The following SLC17A7 variants were observed in gnomAD, a reference collection of about 807,000 sequenced individuals.
SLC17A7 encodes the protein solute carrier family 17 member 7.
Under a neutral mutation model 59.1 loss-of-function variants are expected in SLC17A7, and 15 were observed. That is an observed-to-expected ratio of 0.25 (90% confidence interval 0.17 to 0.39). The LOEUF is 0.39. Ranked by LOEUF, SLC17A7 falls within the 10% of genes least tolerant of loss-of-function variation. The pLI, the probability that SLC17A7 is intolerant of heterozygous loss-of-function variation, is 1.00. For missense variants in SLC17A7, 499 were observed against 765.1 expected (o/e 0.65, Z 4.10); for synonymous variants, 353 against 308.9 (o/e 1.14, Z -1.50).
At chr19:49,440,430 C>G (rs1404231138) in intron 1 of SLC17A7, among the ~76,000 whole-genome samples, 1 of 152,144 alleles carries the variant, frequency 6.6e-6, no homozygotes, top group Non-Finnish European at 1.5e-5. Context: ...GGGTGAGAGC[C>G]TGTGGGGAGG....
rs369545138 is a variant in SLC17A7, at chr19:49,431,440, T to C, written c.1159A>G (p.Met387Val). 6.2e-7 allele frequency: 1 copy of C among 1,613,658 alleles called. No homozygotes were observed. Among genetic ancestry groups the C allele is most frequent in the Non-Finnish European group, 8.5e-7 (1 of 1,179,874 alleles). Residue 387 changes from methionine (M) to valine (V), a missense_variant, in exon 10 of 12, where the codon ATG becomes GTG. By Grantham distance (21) the Met-to-Val change is conservative (BLOSUM62 1). Transcript: ENST00000221485. The surrounding 1 kb of genome is among the most constrained non-coding windows in gnomAD (Gnocchi z 4.6). Reference sequence around the variant, plus strand: ...ACCACCAACAGCAGCGTGGCTTCCATGCCGAAGCCTACGGGGGCGGGGGGG... The same window carrying C: ...ACCACCAACAGCAGCGTGGCTTCCACGCCGAAGCCTACGGGGGCGGGGGGG... ...RKLMNCGGFG[M>V]EATLLLVVGY...
Position 49,430,631 on chromosome 19 carries a change from A to G in SLC17A7, c.1571T>C (p.Met524Thr), listed in dbSNP as rs1288775200. Reference sequence around the variant, plus strand: ...CCCCGGGGGCTCAGCCTCATCCTCCATTTCGCTGTCGTCACTGCCAGCCAG... The same window carrying G: ...CCCCGGGGGCTCAGCCTCATCCTCCGTTTCGCTGTCGTCACTGCCAGCCAG... The part of the protein sequence containing the change: ...DQLAGSDDSE[M>T]EDEAEPPGAP... The change falls in exon 12 of 12, where the codon ATG becomes ACG. Residue 524 changes from methionine (M) to threonine (T), a missense_variant. Physicochemically the swap from Met to Thr is moderately conservative, Grantham distance 81 (BLOSUM62 -1). Around this residue, in one of 3 missense-constraint regions of SLC17A7, gnomAD observed 98 missense variants for 77.5 expected, o/e 1.27. Coordinates refer to ENST00000221485, the MANE Select transcript of SLC17A7 (RefSeq NM_020309.4). The G allele has an allele frequency of 1.9e-6, 3 of 1,613,944 alleles. No individual in the cohort carries two copies. The highest frequency in any genetic ancestry group is 2.2e-5 in the East Asian group (1 of 44,884).
chr19:49,434,922 G>T, intron 3 of SLC17A7, 40 bp from the exon 4 acceptor site: 1 of 1,580,250 alleles, frequency 6.3e-7, no homozygotes, highest in Non-Finnish European at 8.7e-7. Context: ...AAGCTATCCA[G>T]CCATGCCCGG....
chr19:49,432,904 G>A lies in SLC17A7; in HGVS notation c.924C>T (p.Ile308=), dbSNP rs748426290. ...FFTSMPVYAI[I]VANFCRSWTF... Reference sequence around the variant, plus strand: ...TCCAGCTGCGGCAGAAGTTGGCCACGATGATGGCATAGACTGGCATAGACG... The same window carrying A: ...TCCAGCTGCGGCAGAAGTTGGCCACAATGATGGCATAGACTGGCATAGACG... The change falls in exon 8 of 12, where the codon ATC becomes ATT. Residue 308 remains isoleucine (I), a synonymous_variant. Coordinates refer to ENST00000221485, the MANE Select transcript of SLC17A7 (RefSeq NM_020309.4). The A allele has an allele frequency of 1.2e-6, 2 of 1,604,308 alleles. No homozygotes were observed. The highest frequency in any genetic ancestry group is 4.5e-5 in the East Asian group (2 of 44,568).
At chr19:49,441,198 C>T in intron 1 of SLC17A7, 120 bp downstream of exon 1, 1 of 1,511,724 alleles carries the variant, frequency 6.6e-7, no homozygotes, top group South Asian at 1.2e-5. Context: ...GAAAACTGGA[C>T]AGATGGGTGG....
chr19:49,436,745 C>A lies in SLC17A7; in HGVS notation c.119G>T (p.Arg40Leu). The change falls in exon 2 of 12, where the codon CGC becomes CTC. Residue 40 changes from arginine to leucine, a missense_variant. Physicochemically the swap from Arg to Leu is moderately radical, Grantham distance 102. Transcript: ENST00000221485. This position sits in a 1 kb window ranked among gnomAD's most constrained non-coding sequence, Gnocchi z 4.1. ...GTCCCGGGTCTGCGTGGTCACCGGGCGCCCATCCGCACTCAGCTCCAGCGT... is the reference window on the plus strand; with the variant it reads ...GTCCCGGGTCTGCGTGGTCACCGGGAGCCCATCCGCACTCAGCTCCAGCGT... ...AETLELSADG[R>L]PVTTQTRDPP... 1 of 1,609,514 alleles carries A rather than the reference C, an allele frequency of 6.2e-7. No individual in the cohort carries two copies. Among genetic ancestry groups the A allele is most frequent in the Non-Finnish European group, 8.5e-7 (1 of 1,179,922 alleles).
Position 49,431,128 on chromosome 19 carries a change from G to C in SLC17A7, c.1276C>G (p.His426Asp). 6.2e-7 allele frequency: 1 copy of C among 1,613,668 alleles called. No individual in the cohort carries two copies. Among genetic ancestry groups the C allele is most frequent in the Non-Finnish European group, 8.5e-7 (1 of 1,179,806 alleles). The change falls in exon 11 of 12, where the codon CAC becomes GAC. Residue 426 changes from histidine to aspartate, a missense_variant. By Grantham distance (81) the His-to-Asp change is moderately conservative. This residue lies in a region of SLC17A7 where 323 missense variants were observed against 607.2 expected (regional missense o/e 0.53). Transcript: ENST00000221485. This position sits in a 1 kb window ranked among gnomAD's most constrained non-coding sequence, Gnocchi z 4.6. ...GCGTAGCGCGGGGCTATGTCCAGGT[G>C]GTTCACGTTGAACCCTGGCGGAGAG... ...GFAISGFNVNHLDIAPRYASI... is the reference protein window; with the variant it reads ...GFAISGFNVNDLDIAPRYASI...
chr19:49,440,518 C>A (rs1019564366), intron 1 of SLC17A7, among the ~76,000 whole-genome samples: 6 of 152,104 alleles, frequency 3.9e-5, no homozygotes, highest in African/African-American at 1.4e-4. Flanking sequence ...TCAGCCCCAG[C>A]CTGTATCCTT....
At position 49,429,962 on chromosome 19, in the gene SLC17A7, G is replaced by A. The variant is rs189596678; in HGVS notation, c.*557C>T. Reference sequence around the variant, plus strand: ...GAGATGTGAAGTGGGCACGGAATCGGGGACTTGAAACCGCCATTTTCCATC... The same window carrying A: ...GAGATGTGAAGTGGGCACGGAATCGAGGACTTGAAACCGCCATTTTCCATC... On this transcript the variant is annotated 3_prime_UTR_variant, in exon 12 of 12. Coordinates refer to ENST00000221485, the MANE Select transcript of SLC17A7 (RefSeq NM_020309.4). 27 of 186,666 alleles carry A rather than the reference G, an allele frequency of 1.4e-4. 1 individual carries two copies. The highest frequency in any genetic ancestry group is 8.0e-4 in the Admixed American group (13 of 16,228). 11.6% of individuals were successfully genotyped at this position (186,666 alleles called of 1,614,324 possible).
At chr19:49,439,460 C>A (rs1386731447) in intron 1 of SLC17A7, among the ~76,000 whole-genome samples, 2 of 152,138 alleles carry the variant, frequency 1.3e-5, no homozygotes, top group African/African-American at 4.8e-5. Context: ...CCAAGTCACC[C>A]TGGGTGCAAG....
Position 49,433,271 on chromosome 19 carries a change from T to A in SLC17A7, c.868-311A>T. 1 of 417,304 alleles carries A rather than the reference T, an allele frequency of 2.4e-6. No homozygotes were observed. The highest frequency in any genetic ancestry group is 4.3e-6 in the Non-Finnish European group (1 of 231,040). The allele number at this position is 417,304 out of a possible 1,614,324, so 25.9% of individuals were successfully genotyped here. On this transcript the variant is annotated intron_variant, in intron 7 of 11. Transcript: ENST00000221485. The surrounding 1 kb of genome is among the most constrained non-coding windows in gnomAD (Gnocchi z 5.7). The stretch of plus-strand genomic sequence containing the variant: ...ATTTTTACTTTTTGTATTTTGTATT[T>A]TGAGTAGAGACGGGGGTTTCGCCAT...
rs1349359671 is a variant in SLC17A7, at chr19:49,436,260, AG to A, written c.315+288del. 4.2e-6 allele frequency: 2 copies of A among 479,268 alleles called. No individual in the cohort carries two copies. Among genetic ancestry groups the A allele is most frequent in the Non-Finnish European group, 7.5e-6 (2 of 264,914 alleles). The allele number at this position is 479,268 out of a possible 1,614,324, so 29.7% of individuals were successfully genotyped here. On this transcript the variant is annotated intron_variant, in intron 2 of 11. Coordinates refer to ENST00000221485, the MANE Select transcript of SLC17A7 (RefSeq NM_020309.4). The surrounding 1 kb of genome is among the most constrained non-coding windows in gnomAD (Gnocchi z 4.1). Reference sequence around the variant, plus strand: ...ATTGCTAGTAGGTCCAAAATGGGGCAGGGGCAACCCCTAGGGAACCTGATGT... The same window carrying A: ...ATTGCTAGTAGGTCCAAAATGGGGCAGGGCAACCCCTAGGGAACCTGATGT...
intron 1 of SLC17A7, 51 bp downstream of exon 1, chr19:49,441,267 C>T: frequency 6.3e-7 from 1 of 1,587,294 alleles, no homozygotes. Context: ...TGGGAATTAG[C>T]ATCCTCCTCA....
intron 1 of SLC17A7, among the ~76,000 whole-genome samples, chr19:49,439,685 A>G (rs1473722649): frequency 6.6e-6 from 1 of 152,200 alleles, no homozygotes; most frequent in African/African-American, 2.4e-5. Flanking sequence ...TCTCCCTCCA[A>G]CCATCAGAGC....
At position 49,431,564 on chromosome 19, in the gene SLC17A7, T is replaced by C. The variant is rs534213993; in HGVS notation, c.1151-116A>G. The C allele has an allele frequency of 4.6e-5, 36 of 785,438 alleles. No individual in the cohort carries two copies. The African/African-American group carries it at 5.7e-4, about 12-fold the overall frequency. The allele number at this position is 785,438 out of a possible 1,614,324, so 48.7% of individuals were successfully genotyped here. A position where few individuals can be genotyped will look rare whatever the true frequency, so the allele number is the denominator to read the frequency against. On this transcript the variant is annotated intron_variant, in intron 9 of 11. Transcript: ENST00000221485. The surrounding 1 kb of genome is among the most constrained non-coding windows in gnomAD (Gnocchi z 4.6). ...CCCAAACCGCGTCTATCCACCCCAGTCTGGCCACCTCCACGCCCAGGCCTC... is the reference window on the plus strand; with the variant it reads ...CCCAAACCGCGTCTATCCACCCCAGCCTGGCCACCTCCACGCCCAGGCCTC...
Position 49,430,036 on chromosome 19 carries a change from G to A in SLC17A7, c.*483C>T. On this transcript the variant is annotated 3_prime_UTR_variant, in exon 12 of 12. Transcript: ENST00000221485. ...CCTGGAATGGCGGGGACGAGTAATT[G>A]GTTAAACCAATCTGGAAGATGCAGA... 6.2e-6 allele frequency: 1 copy of A among 161,992 alleles called. No homozygotes were observed. Among genetic ancestry groups the A allele is most frequent in the Non-Finnish European group, 1.3e-5 (1 of 74,690 alleles). 10.0% of individuals were successfully genotyped at this position (161,992 alleles called of 1,614,324 possible).
Position 49,430,473 on chromosome 19 carries a change from G to C in SLC17A7, c.*46C>G. 12 of 1,405,220 alleles carry C rather than the reference G, an allele frequency of 8.5e-6. No individual in the cohort carries two copies. Among genetic ancestry groups the C allele is most frequent in the Non-Finnish European group, 1.1e-5 (11 of 1,026,120 alleles). The allele number at this position is 1,405,220 out of a possible 1,614,324, so 87.0% of individuals were successfully genotyped here. On this transcript the variant is annotated 3_prime_UTR_variant, in exon 12 of 12. Transcript: ENST00000221485. ...ACACTGTCACTCAGGCCAGAGATGA[G>C]TGGAATGGAGGTCCTGGAAACTGCC...
At chr19:49,437,037 C>T in intron 1 of SLC17A7, 1 of 601,466 alleles carries the variant, frequency 1.7e-6, no homozygotes, top group Non-Finnish European at 2.9e-6. Flanking sequence ...CATTGACGGT[C>T]TTCAGTCCCC....
In SLC17A7 at chr19:49,431,398, T is replaced by C; in HGVS notation, c.1201A>G (p.Lys401Glu). 6.2e-7 allele frequency: 1 copy of C among 1,614,024 alleles called. No individual in the cohort carries two copies. Among genetic ancestry groups the C allele is most frequent in the Non-Finnish European group, 8.5e-7 (1 of 1,179,996 alleles). Residue 401 changes from lysine (K) to glutamate (E), a missense_variant, in exon 10 of 12, where the codon AAG becomes GAG. Physicochemically the swap from Lys to Glu is moderately conservative, Grantham distance 56 (BLOSUM62 1). Around this residue, in one of 3 missense-constraint regions of SLC17A7, gnomAD observed 323 missense variants for 607.2 expected, o/e 0.53. Transcript: ENST00000221485. The surrounding 1 kb of genome is among the most constrained non-coding windows in gnomAD (Gnocchi z 4.6). Reference protein sequence around the residue: ...LLLVVGYSHSKGVAISFLVLA... With the variant: ...LLLVVGYSHSEGVAISFLVLA... ...ACCAGGAAGGAGATGGCCACGCCCT[T>C]GGAGTGCGAGTAGCCGACCACCAAC...
Sources: gnomAD v4.1 joint callset for allele counts (sites outside exome capture counted in the v4.1 genomes callset) on GRCh38, gnomAD v4.1.1 for gene constraint, gnomAD v4.1.1 regional missense constraint, Gnocchi (gnomAD v3.1) non-coding constraint, MANE v1.5 for transcripts, NCBI Gene and HGNC (gene_info 2026-07-23, HGNC 2026-07-21) for gene names.